COMMD1: variants seen among roughly 807,000 people sequenced by gnomAD.
The protein encoded by COMMD1 is COMM domain-containing protein 1.
In COMMD1, 10 loss-of-function variants were observed where a neutral mutation model predicts 17.2. That is an observed-to-expected ratio of 0.58 (90% CI 0.36 to 0.99). The LOEUF is 0.99. COMMD1 is among the 50% of genes least tolerant of loss of function. COMMD1 has a pLI of 0.01. For synonymous variants in COMMD1, 97 were observed against 91.6 expected (o/e 1.06, Z -0.34); for missense variants, 270 against 231.8 (o/e 1.17, Z -1.07).
intron 1 of COMMD1, among the ~76,000 whole-genome samples, chr2:61,992,347 A>G (rs1672272653): frequency 6.6e-6 from 1 of 152,180 alleles, no homozygotes; most frequent in African/African-American, 2.4e-5. Flanking sequence ...TTTTTTATGT[A>G]AAACAAAATA....
chr2:62,040,130 G>A (rs1182904264), intron 2 of COMMD1, among the ~76,000 whole-genome samples: 1 of 152,170 alleles, frequency 6.6e-6, no homozygotes, highest in Admixed American at 6.5e-5. Flanking sequence ...GCATGTACCT[G>A]TAGTCCCAGC....
In COMMD1 at chr2:62,011,238, CTATT is replaced by C. The variant is rs199511595; in HGVS notation, c.462+10263_462+10266del. On this transcript the variant is annotated intron_variant, in intron 2 of 2. Coordinates refer to ENST00000311832, the MANE Select transcript of COMMD1 (RefSeq NM_152516.4). ...AATTGACAATGTATAATACAATAAA[CTATT>C]TATTTAAAGTGTACAATTTGGTTAA... Among the ~76,000 whole-genome samples the C allele has an allele frequency of 5.5e-3, 838 of 152,178 alleles. 10 individuals are homozygous for C. Among genetic ancestry groups the C allele is most frequent in the African/African-American group, 0.019 (793 of 41,512 alleles).
intron 1 of COMMD1, among the ~76,000 whole-genome samples, chr2:61,919,481 A>C (rs1670131643): frequency 6.8e-6 from 1 of 147,212 alleles, no homozygotes; most frequent in Admixed American, 6.7e-5. Flanking sequence ...ACACCTAACT[A>C]ATTTTTGTAT....
At chr2:62,085,305 C>T (rs1314650125) in intron 2 of COMMD1, among the ~76,000 whole-genome samples, 3 of 151,626 alleles carry the variant, frequency 2.0e-5, no homozygotes, top group Non-Finnish European at 2.9e-5. Flanking sequence ...GTAAGCTCCA[C>T]CTCCTGGGTT....
intron 2 of COMMD1, among the ~76,000 whole-genome samples, chr2:62,038,692 G>C (rs1219481435): frequency 7.9e-5 from 12 of 151,996 alleles, no homozygotes; most frequent in Admixed American, 7.2e-4. Flanking sequence ...GGACTTACAG[G>C]CATACATCAC....
intron 2 of COMMD1, among the ~76,000 whole-genome samples, chr2:62,114,734 C>T (rs922398198): frequency 3.3e-5 from 5 of 152,182 alleles, no homozygotes; most frequent in African/African-American, 7.2e-5. Flanking sequence ...GCCAGTGTCA[C>T]GCCCAGAGCT....
chr2:62,101,794 G>A (rs1308521664), intron 2 of COMMD1, among the ~76,000 whole-genome samples: 1 of 152,112 alleles, frequency 6.6e-6, no homozygotes, highest in Non-Finnish European at 1.5e-5. Context: ...CCCTCTCCAG[G>A]TACACCACCC....
intron 1 of COMMD1, among the ~76,000 whole-genome samples, chr2:61,956,034 C>A (rs375869058): frequency 1.1e-4 from 16 of 152,216 alleles, no homozygotes; most frequent in African/African-American, 3.9e-4. Context: ...ATATAAAGCA[C>A]GGGTATATGT....
upstream of COMMD1, among the ~76,000 whole-genome samples, chr2:61,903,045 C>A (rs182922411): frequency 3.0e-4 from 46 of 152,220 alleles, no homozygotes; most frequent in African/African-American, 1.1e-3. Flanking sequence ...GTAAAACAAT[C>A]TATAGTTTGT....
intron 2 of COMMD1, among the ~76,000 whole-genome samples, chr2:62,079,514 G>T (rs1282425504): frequency 2.0e-5 from 3 of 152,308 alleles, no homozygotes; most frequent in African/African-American, 7.2e-5. Context: ...CTAGAGGCTA[G>T]ATGCTGGGAA....
At chr2:61,971,250 G>A (rs1364296689) in intron 1 of COMMD1, among the ~76,000 whole-genome samples, 2 of 152,360 alleles carry the variant, frequency 1.3e-5, no homozygotes, top group Admixed American at 6.5e-5. Flanking sequence ...ATAAAGGGGC[G>A]TGAGAGCCTT....
chr2:62,001,392 G>A (rs1186882997), intron 2 of COMMD1, among the ~76,000 whole-genome samples: 1 of 152,190 alleles, frequency 6.6e-6, no homozygotes, highest in Non-Finnish European at 1.5e-5. Context: ...AGGAGGCAGT[G>A]TATCTTAATT....
chr2:61,919,526 C>T (rs190028226), intron 1 of COMMD1, among the ~76,000 whole-genome samples: 2 of 147,672 alleles, frequency 1.4e-5, no homozygotes, highest in Non-Finnish European at 3.0e-5. Flanking sequence ...TTTGCCATGT[C>T]GATCAGGCTT....
rs998222094 is a variant in COMMD1, at chr2:62,071,348, A to G, written c.463-64483A>G. Among the ~76,000 whole-genome samples the G allele has an allele frequency of 3.4e-4, 51 of 152,212 alleles. 1 individual carries two copies. Among genetic ancestry groups the G allele is most frequent in the Admixed American group, 2.5e-3 (38 of 15,282 alleles). On this transcript the variant is annotated intron_variant, in intron 2 of 2. Coordinates refer to ENST00000311832, the MANE Select transcript of COMMD1 (RefSeq NM_152516.4). Reference sequence around the variant, plus strand: ...ATGACCAGAGGTCACTTTTATCACCATCTTGGACTTGGAGGGATTTGTCTG... The same window carrying G: ...ATGACCAGAGGTCACTTTTATCACCGTCTTGGACTTGGAGGGATTTGTCTG...
intron 2 of COMMD1, among the ~76,000 whole-genome samples, chr2:62,096,577 A>T (rs367758128): frequency 1.2e-4 from 18 of 152,160 alleles, no homozygotes; most frequent in African/African-American, 4.3e-4. Flanking sequence ...TTAGATTTTT[A>T]TATAGGGGTT....
intron 1 of COMMD1, among the ~76,000 whole-genome samples, chr2:61,986,186 T>C (rs1454864057): frequency 6.6e-6 from 1 of 152,026 alleles, no homozygotes; most frequent in Non-Finnish European, 1.5e-5. Flanking sequence ...ACTTTAAATA[T>C]GTCATGCCAA....
chr2:61,941,037 A>AC (rs34628176), intron 1 of COMMD1, among the ~76,000 whole-genome samples: 17,043 of 128,010 alleles, frequency 0.13, 2,318 homozygotes, highest in African/African-American at 0.37. Flanking sequence ...TTTGTTAATA[A>AC]CCCCCCCTTT....
intron 2 of COMMD1, among the ~76,000 whole-genome samples, chr2:62,115,768 A>G (rs1241039721): frequency 1.3e-5 from 2 of 151,966 alleles, no homozygotes; most frequent in Non-Finnish European, 2.9e-5. Context: ...AATGTAAACA[A>G]TGGAACAATT....
chr2:61,968,231 A>G (rs527873968), intron 1 of COMMD1, among the ~76,000 whole-genome samples: 1 of 152,244 alleles, frequency 6.6e-6, no homozygotes, highest in South Asian at 2.1e-4. Context: ...AATTTAAGAG[A>G]TTTAGTAAGG....
Sources: gnomAD v4.1 joint callset for allele counts (sites outside exome capture counted in the v4.1 genomes callset) on GRCh38, gnomAD v4.1.1 for gene constraint, MANE v1.5 for transcripts, NCBI Gene and HGNC (gene_info 2026-07-23, HGNC 2026-07-21) for gene names.